Variants in CFAP61 observed in about 807,000 individuals in gnomAD.
CFAP61 encodes cilia- and flagella-associated protein 61.
Under a neutral mutation model 135.6 loss-of-function variants are expected in CFAP61, and 107 were observed. That is an observed-to-expected ratio of 0.79 (90% CI 0.67 to 0.93). CFAP61 has a LOEUF of 0.93. Ranked by LOEUF, CFAP61 falls within the 40% of genes least tolerant of loss-of-function variation. CFAP61 has a pLI of 0.00. For missense variants in CFAP61, 1,507 were observed against 1,556.2 expected, an observed-to-expected ratio of 0.97 and a Z score of 0.53; for synonymous variants, 575 against 578.5, an observed-to-expected ratio of 0.99 and a Z score of 0.09.
At chr20:20,171,695 A>G in intron 13 of CFAP61, 1 of 577,976 alleles carries the variant, frequency 1.7e-6, no homozygotes, top group Non-Finnish European at 3.1e-6. Context: ...AGGCACAGGC[A>G]TTACTGTAAC....
chr20:20,248,859 T>A (rs895992054), intron 19 of CFAP61, among the ~76,000 whole-genome samples: 1 of 152,218 alleles, frequency 6.6e-6, no homozygotes, highest in Non-Finnish European at 1.5e-5. Context: ...ATCTATGCCC[T>A]CTTCCAGGAA....
chr20:20,242,036 A>G (rs1245777373), intron 18 of CFAP61, among the ~76,000 whole-genome samples: 1 of 152,198 alleles, frequency 6.6e-6, no homozygotes, highest in Non-Finnish European at 1.5e-5. Context: ...ACCTCTCATA[A>G]TATTGAGCTA....
chr20:20,152,660 C>G (rs957519809), intron 9 of CFAP61, among the ~76,000 whole-genome samples: 7 of 152,054 alleles, frequency 4.6e-5, no homozygotes. Flanking sequence ...ATCAGTCCTA[C>G]AGGAAAATAC....
In CFAP61 at chr20:20,056,699, T is replaced by A; in HGVS notation, c.46T>A (p.Cys16Ser). The A allele has an allele frequency of 6.2e-7, 1 of 1,614,090 alleles. No homozygotes were observed. The highest frequency in any genetic ancestry group is 1.3e-5 in the African/African-American group (1 of 75,054). Reference protein sequence around the residue: ...SPRGKVEVVHCRRTESQDVYC... With the variant: ...SPRGKVEVVHSRRTESQDVYC... ...AAGAGGAAAGGTAGAAGTTGTTCAT[T>A]GCCGAAGAACAGAATCACAGGATGT... The change falls in exon 2 of 27, where the codon TGC becomes AGC. Residue 16 changes from cysteine to serine, a missense_variant. By Grantham distance (112) the Cys-to-Ser change is moderately radical. Coordinates refer to ENST00000245957, the MANE Select transcript of CFAP61 (RefSeq NM_015585.4).
chr20:20,103,583 A>G (rs897361116), intron 8 of CFAP61, among the ~76,000 whole-genome samples: 2 of 152,330 alleles, frequency 1.3e-5, no homozygotes, highest in South Asian at 4.1e-4. Flanking sequence ...ATTATACTGA[A>G]TGAGATGTAA....
At chr20:20,252,915 T>G (rs2051072574) in intron 20 of CFAP61, among the ~76,000 whole-genome samples, 2 of 152,238 alleles carry the variant, frequency 1.3e-5, no homozygotes, top group Admixed American at 6.5e-5. Context: ...CCCCAGAGGT[T>G]GTTTTAATTA....
At chr20:20,285,632 T>C (rs2054526855) in intron 22 of CFAP61, among the ~76,000 whole-genome samples, 1 of 152,262 alleles carries the variant, frequency 6.6e-6, no homozygotes, top group Admixed American at 6.5e-5. Flanking sequence ...AACCTCTAAA[T>C]TGAGGCCAGA....
At chr20:20,135,688 A>G (rs2050871739) in intron 8 of CFAP61, among the ~76,000 whole-genome samples, 1 of 152,172 alleles carries the variant, frequency 6.6e-6, no homozygotes, top group Non-Finnish European at 1.5e-5. Context: ...TGTTGTTTCT[A>G]TTTATATCTT....
chr20:20,243,869 G>C (rs2050212755), intron 18 of CFAP61, among the ~76,000 whole-genome samples: 1 of 152,198 alleles, frequency 6.6e-6, no homozygotes. Flanking sequence ...TAGATACAGT[G>C]GGGGTACAGG....
chr20:20,286,221 T>G (rs1159544592), intron 22 of CFAP61, among the ~76,000 whole-genome samples: 1 of 152,204 alleles, frequency 6.6e-6, no homozygotes, highest in African/African-American at 2.4e-5. Flanking sequence ...TTGAAATTGA[T>G]GTTTTGTCCC....
chr20:20,152,410 C>T (rs780297795), intron 9 of CFAP61, among the ~76,000 whole-genome samples: 4 of 151,994 alleles, frequency 2.6e-5, no homozygotes, highest in Admixed American at 6.6e-5. Context: ...AAATGTTCCA[C>T]TTAAAAGACA....
chr20:20,184,195 C>A (rs966233217), intron 13 of CFAP61, among the ~76,000 whole-genome samples: 2 of 152,126 alleles, frequency 1.3e-5, no homozygotes, highest in Non-Finnish European at 2.9e-5. Flanking sequence ...GTCCAGTATC[C>A]AACAACACTC....
At chr20:20,221,827 C>T (rs978276628) in intron 17 of CFAP61, 8 of 152,204 alleles carry the variant, frequency 5.3e-5, no homozygotes, top group African/African-American at 1.9e-4. Flanking sequence ...CACCTTGCTG[C>T]TCAGTTTCTG....
At chr20:20,069,498 C>T (rs1233425956) in intron 2 of CFAP61, among the ~76,000 whole-genome samples, 1 of 152,142 alleles carries the variant, frequency 6.6e-6, no homozygotes, top group East Asian at 1.9e-4. Flanking sequence ...CAGGCTGTCT[C>T]AAACTCCTGG....
intron 2 of CFAP61, among the ~76,000 whole-genome samples, chr20:20,064,035 G>GCC (rs55714602): frequency 1.7e-5 from 2 of 118,952 alleles, no homozygotes; most frequent in South Asian, 3.1e-4. Context: ...TAGAGTAACC[G>GCC]CCCCCCACCC....
intron 21 of CFAP61, 45 bp from the exon 22 acceptor site, chr20:20,277,121 T>C: frequency 6.9e-7 from 1 of 1,452,900 alleles, no homozygotes; most frequent in Non-Finnish European, 9.4e-7. Flanking sequence ...TAAGGTTTTT[T>C]GGTTTTCTGA....
intron 9 of CFAP61, among the ~76,000 whole-genome samples, chr20:20,146,948 G>A (rs1014332731): frequency 4.6e-5 from 7 of 152,008 alleles, no homozygotes; most frequent in African/African-American, 7.3e-5. Flanking sequence ...TCACTCTTAC[G>A]CCTTTGCATC....
At chr20:20,172,162 T>G in intron 13 of CFAP61, 1 of 863,160 alleles carries the variant, frequency 1.2e-6, no homozygotes. Flanking sequence ...TATATCTAGT[T>G]TTTATCTTGT....
At chr20:20,333,984 T>A (rs1483447317) in intron 25 of CFAP61, among the ~76,000 whole-genome samples, 1 of 151,874 alleles carries the variant, frequency 6.6e-6, no homozygotes, top group Non-Finnish European at 1.5e-5. Flanking sequence ...ACAACACACA[T>A]CATGCTGGTC....
Sources: allele counts gnomAD v4.1 joint callset (sites outside exome capture counted in the v4.1 genomes callset), GRCh38; gene constraint gnomAD v4.1.1; transcripts MANE v1.5; gene names NCBI Gene and HGNC (gene_info 2026-07-23, HGNC 2026-07-21).